The following NRG4 variants were observed in gnomAD, a reference collection of about 807,000 sequenced individuals.
NRG4 encodes the protein pro-neuregulin-4, membrane-bound isoform.
NRG4 carries 10 observed loss-of-function variants against 15.0 expected under a neutral mutation model. That is an observed-to-expected ratio of 0.67 (90% CI 0.41 to 1.13). The LOEUF is 1.13. NRG4 is among the 50% of genes most tolerant of loss of function. NRG4 has a pLI of 0.00. For synonymous variants in NRG4, 41 were observed against 50.1 expected (o/e 0.82, Z 0.77); for missense variants, 139 against 140.2 (o/e 0.99, Z 0.04).
At chr15:76,034,370 T>C (rs187383246) in intron 5 of NRG4, among the ~76,000 whole-genome samples, 2 of 152,340 alleles carry the variant, frequency 1.3e-5, no homozygotes, top group East Asian at 3.9e-4. Flanking sequence ...TGGCAGGCAG[T>C]AAAGTAAATT....
chr15:76,056,460 AAAAT>A (rs922369706), intron 2 of NRG4, among the ~76,000 whole-genome samples: 8 of 152,026 alleles, frequency 5.3e-5, no homozygotes, highest in Non-Finnish European at 7.4e-5. Context: ...CTCCGTCTCA[AAAAT>A]AAATAAATAA....
chr15:76,060,181 G>A (rs991525935), upstream of NRG4, among the ~76,000 whole-genome samples: 1 of 151,998 alleles, frequency 6.6e-6, no homozygotes, highest in African/African-American at 2.4e-5. Context: ...GGGGGAGCCA[G>A]GCGAGGGTGC....
chr15:76,056,652 A>G (rs1352451697), intron 2 of NRG4, among the ~76,000 whole-genome samples: 2 of 152,218 alleles, frequency 1.3e-5, no homozygotes, highest in Non-Finnish European at 2.9e-5. Context: ...TAACATTTAG[A>G]AGAGCTTTCA....
chr15:75,948,344 T>G (rs1266262345), intron 5 of NRG4, among the ~76,000 whole-genome samples: 2 of 121,012 alleles, frequency 1.7e-5, no homozygotes, highest in Non-Finnish European at 3.7e-5. Flanking sequence ...TTTATTTATT[T>G]ATTGAGATGG....
chr15:75,972,808 G>A (rs1038356516), intron 3 of NRG4, among the ~76,000 whole-genome samples: 8 of 152,176 alleles, frequency 5.3e-5, no homozygotes, highest in African/African-American at 1.7e-4. Context: ...GTAGGGGGAT[G>A]CCTTCAGCTT....
chr15:75,991,553 G>A (rs536080756), intron 3 of NRG4, among the ~76,000 whole-genome samples: 13 of 151,972 alleles, frequency 8.6e-5, no homozygotes, highest in Non-Finnish European at 1.9e-4. Flanking sequence ...CAGTTTTGGA[G>A]GATAGGTTTT....
chr15:75,949,141 T>C (rs879271220), intron 5 of NRG4, among the ~76,000 whole-genome samples: 1 of 152,062 alleles, frequency 6.6e-6, no homozygotes, highest in African/African-American at 2.4e-5. Context: ...ATAAATCCAT[T>C]ACCCTAAAAA....
At chr15:75,966,264 A>G (rs1308802687) in intron 3 of NRG4, among the ~76,000 whole-genome samples, 4 of 152,228 alleles carry the variant, frequency 2.6e-5, no homozygotes, top group Admixed American at 2.6e-4. Context: ...GTAAACAAAC[A>G]GAGCACCATT....
In NRG4 at chr15:75,945,395, C is replaced by T. The variant is rs560510590; in HGVS notation, c.332-1741G>A. Among the ~76,000 whole-genome samples the T allele has an allele frequency of 9.9e-5, 15 of 151,654 alleles. No homozygotes were observed. In the South Asian group the frequency reaches 1.9e-3, roughly 19 times the overall value. On this transcript the variant is annotated intron_variant, in intron 5 of 5. Transcript: ENST00000394907. Reference sequence around the variant, plus strand: ...CCTCCTGAGTAGCTGGGATTACAGGCGCCCGCCACTATGCCCGGTTCATTT... The same window carrying T: ...CCTCCTGAGTAGCTGGGATTACAGGTGCCCGCCACTATGCCCGGTTCATTT...
intron 4 of NRG4, among the ~76,000 whole-genome samples, chr15:76,039,979 G>GC (rs1443647908): frequency 4.6e-5 from 7 of 151,982 alleles, no homozygotes; most frequent in Non-Finnish European, 1.0e-4. Flanking sequence ...GTTGAGGTGA[G>GC]CCAAGATTGC....
At chr15:75,979,612 T>C (rs1045197913) in intron 3 of NRG4, among the ~76,000 whole-genome samples, 1 of 152,140 alleles carries the variant, frequency 6.6e-6, no homozygotes, top group African/African-American at 2.4e-5. Flanking sequence ...AGTAAAATGC[T>C]GGCCCCAAAA....
Position 75,941,752 on chromosome 15 carries a change from G to C in NRG4, c.*1886C>G, listed in dbSNP as rs1261223751. ...CAAAGATTACGTTTTGTCACAGGGA[G>C]CAGGAGGGAATGGGAATTTATTGTT... On this transcript the variant is annotated 3_prime_UTR_variant, in exon 6 of 6. Transcript: ENST00000394907. 2 of 152,064 alleles carry C rather than the reference G, an allele frequency of 1.3e-5. No individual in the cohort carries two copies. The highest frequency in any genetic ancestry group is 2.9e-5 in the Non-Finnish European group (2 of 67,992). The allele number at this position is 152,064 out of a possible 1,614,324, so 9.4% of individuals were successfully genotyped here.
intron 3 of NRG4, among the ~76,000 whole-genome samples, chr15:75,993,688 A>G (rs1356614085): frequency 1.3e-5 from 2 of 149,882 alleles, no homozygotes; most frequent in Non-Finnish European, 3.0e-5. Flanking sequence ...ACAGAGTGAG[A>G]CTCACTCTCA....
upstream of NRG4, among the ~76,000 whole-genome samples, chr15:76,015,967 G>A (rs998788348): frequency 3.3e-5 from 5 of 152,084 alleles, no homozygotes; most frequent in African/African-American, 4.8e-5. Flanking sequence ...CTGTGAATCT[G>A]TCTTGTCCTG....
exon 5 of NRG4, chr15:76,035,982 G>A (rs1387662849): frequency 6.6e-6 from 1 of 152,064 alleles, no homozygotes; most frequent in Non-Finnish European, 1.5e-5. Context: ...TTCCCATCTA[G>A]GTCCACCACC....
downstream of NRG4, chr15:75,939,226 A>G (rs995875383): frequency 2.6e-5 from 4 of 152,004 alleles, no homozygotes; most frequent in African/African-American, 7.2e-5. Context: ...AAAAAGGAAG[A>G]CTCAATTGCT....
At chr15:75,935,522 T>C (rs1168513864), downstream of NRG4, 2 of 151,858 alleles carry the variant, frequency 1.3e-5, no homozygotes, top group Non-Finnish European at 1.5e-5. Context: ...TATATTTCCA[T>C]GCCCTTTGAT....
At chr15:75,998,115 C>T (rs2034279194) in intron 3 of NRG4, among the ~76,000 whole-genome samples, 1 of 152,150 alleles carries the variant, frequency 6.6e-6, no homozygotes, top group African/African-American at 2.4e-5. Context: ...ATAATGATAA[C>T]AGAAGTCAAC....
At chr15:76,051,009 T>A (rs1483628483) in intron 4 of NRG4, among the ~76,000 whole-genome samples, 3 of 147,588 alleles carry the variant, frequency 2.0e-5, no homozygotes, top group East Asian at 2.0e-4. Flanking sequence ...TTATTTATTT[T>A]TATTTTTATT....
Sources: allele counts gnomAD v4.1 joint callset (sites outside exome capture counted in the v4.1 genomes callset), GRCh38; gene constraint gnomAD v4.1.1; transcripts MANE v1.5; gene names NCBI Gene and HGNC (gene_info 2026-07-23, HGNC 2026-07-21).